CTDSPL: variants seen among roughly 807,000 people sequenced by gnomAD.
The protein encoded by CTDSPL is CTD small phosphatase like.
In CTDSPL, 8 loss-of-function variants were observed where a neutral mutation model predicts 30.5. The ratio of observed to expected loss-of-function variants is 0.26; its 90% CI spans 0.15 to 0.47. The LOEUF (loss-of-function observed/expected upper bound fraction) is 0.47. Ranked by LOEUF, CTDSPL falls within the 20% of genes least tolerant of loss-of-function variation. The probability of loss-of-function intolerance (pLI) is 0.99; values close to 1 mark genes in which losing one functional copy is unlikely to be tolerated. For missense variants in CTDSPL, 248 were observed against 366.1 expected (o/e 0.68, Z 2.63); for synonymous variants, 110 against 137.9 (o/e 0.80, Z 1.42).
chr3:37,962,441 C>T lies in CTDSPL; in HGVS notation c.268-2130C>T, dbSNP rs959932371. On this transcript the variant is annotated intron_variant, in intron 3 of 7. Transcript: ENST00000273179. ...CTTGCTTAATATGAGTCTCACCCTT[C>T]TCCATCTTTTCTCTCTTAGATCGTA... Among the ~76,000 whole-genome samples the T allele has an allele frequency of 5.2e-4, 79 of 152,220 alleles. 2 individuals carry two copies. Among genetic ancestry groups the T allele is most frequent in the Non-Finnish European group, 4.4e-5 (3 of 68,042 alleles).
chr3:37,945,809 T>C (rs1699029013), intron 1 of CTDSPL, among the ~76,000 whole-genome samples: 1 of 152,226 alleles, frequency 6.6e-6, no homozygotes, highest in Non-Finnish European at 1.5e-5. Flanking sequence ...GTGGAGTTGC[T>C]GGAATAACAG....
intron 1 of CTDSPL, among the ~76,000 whole-genome samples, chr3:37,924,177 A>G (rs1435299105): frequency 5.3e-5 from 8 of 152,260 alleles, no homozygotes; most frequent in South Asian, 2.1e-4. Context: ...TGATGATTCA[A>G]ACTAAGGCTG....
chr3:37,912,221 G>A (rs999146786), intron 1 of CTDSPL, among the ~76,000 whole-genome samples: 2 of 152,182 alleles, frequency 1.3e-5, no homozygotes, highest in African/African-American at 4.8e-5. Flanking sequence ...AGTAAGAGTG[G>A]CATGGCTTCC....
chr3:37,871,874 T>G (rs1004132847), intron 1 of CTDSPL, among the ~76,000 whole-genome samples: 3 of 152,210 alleles, frequency 2.0e-5, no homozygotes, highest in African/African-American at 7.2e-5. Context: ...TTGTTGGGTT[T>G]TTTTCCTTAT....
intron 1 of CTDSPL, among the ~76,000 whole-genome samples, chr3:37,945,190 C>T (rs1203011745): frequency 1.3e-5 from 2 of 150,120 alleles, no homozygotes; most frequent in Non-Finnish European, 3.0e-5. Flanking sequence ...ATTAAAACAC[C>T]CAGAGTAACA....
At chr3:37,898,478 A>G (rs1034151354) in intron 1 of CTDSPL, among the ~76,000 whole-genome samples, 2 of 152,212 alleles carry the variant, frequency 1.3e-5, no homozygotes, top group Non-Finnish European at 2.9e-5. Context: ...AATATTAGCA[A>G]TATCACATGG....
At chr3:37,947,869 T>C (rs1439470221) in intron 2 of CTDSPL, among the ~76,000 whole-genome samples, 1 of 152,232 alleles carries the variant, frequency 6.6e-6, no homozygotes, top group Non-Finnish European at 1.5e-5. Flanking sequence ...ATAACAAACA[T>C]GTTATATATT....
chr3:37,937,416 G>A lies in CTDSPL; in HGVS notation c.80-9641G>A, dbSNP rs1250745524. Among the ~76,000 whole-genome samples, 2 of 150,130 alleles carry A rather than the reference G, an allele frequency of 1.3e-5. 1 individual carries two copies. The stretch of plus-strand genomic sequence containing the variant: ...TGGGACTGGATTAGTTACCTTGAGA[G>A]TAGGTTGTTATAAAGAAAGGCTCCT... On this transcript the variant is annotated intron_variant, in intron 1 of 7. Transcript: ENST00000273179.
At chr3:37,957,956 T>G (rs772515365) in intron 3 of CTDSPL, among the ~76,000 whole-genome samples, 2 of 152,228 alleles carry the variant, frequency 1.3e-5, no homozygotes, top group Non-Finnish European at 1.5e-5. Flanking sequence ...TAGTCTTATG[T>G]CCTTAGAGAA....
intron 1 of CTDSPL, among the ~76,000 whole-genome samples, chr3:37,933,541 A>G (rs1374357841): frequency 1.3e-5 from 2 of 152,226 alleles, no homozygotes; most frequent in Admixed American, 6.5e-5. Flanking sequence ...AGTATGCTCC[A>G]TTCTCAGTAG....
Position 37,981,730 on chromosome 3 carries a change from G to T in CTDSPL, c.*863G>T. 1.2e-5 allele frequency: 5 copies of T among 417,198 alleles called. No individual in the cohort carries two copies. The highest frequency in any genetic ancestry group is 5.3e-5 in the Admixed American group (2 of 37,732). The allele number at this position is 417,198 out of a possible 1,614,324, so 25.8% of individuals were successfully genotyped here. The stretch of plus-strand genomic sequence containing the variant: ...CTGCCATACATTTGTGTTTTTTGTT[G>T]TTATTGTTTGGGTAGAGCAGTTACA... On this transcript the variant is annotated 3_prime_UTR_variant, in exon 8 of 8. Transcript: ENST00000273179.
chr3:37,901,702 G>C (rs114058837), intron 1 of CTDSPL, among the ~76,000 whole-genome samples: 131 of 152,248 alleles, frequency 8.6e-4, no homozygotes, highest in African/African-American at 2.4e-3. Context: ...TGCAGAGAAG[G>C]CTCTAGAGTT....
intron 2 of CTDSPL, among the ~76,000 whole-genome samples, chr3:37,947,629 AT>A (rs1222478070): frequency 6.6e-6 from 1 of 152,230 alleles, no homozygotes; most frequent in Non-Finnish European, 1.5e-5. Flanking sequence ...AAGATTTGAA[AT>A]TACCAAGAAA....
chr3:37,958,235 A>G (rs7651722), intron 3 of CTDSPL, among the ~76,000 whole-genome samples: 5,420 of 152,146 alleles, frequency 0.036, 129 homozygotes, highest in Non-Finnish European at 0.051. Flanking sequence ...CAAAACTCTA[A>G]CTCTTCATTG....
At chr3:37,909,425 A>G (rs1410232814) in intron 1 of CTDSPL, among the ~76,000 whole-genome samples, 1 of 152,212 alleles carries the variant, frequency 6.6e-6, no homozygotes, top group African/African-American at 2.4e-5. Context: ...TGGCTATTTC[A>G]GAGAAATGGG....
At chr3:37,956,383 A>G (rs1022558542) in intron 2 of CTDSPL, among the ~76,000 whole-genome samples, 1 of 152,226 alleles carries the variant, frequency 6.6e-6, no homozygotes, top group Non-Finnish European at 1.5e-5. Flanking sequence ...GAAGAAACAG[A>G]AACTGGAAAT....
chr3:37,903,636 C>G (rs757718155), intron 1 of CTDSPL, among the ~76,000 whole-genome samples: 29 of 152,270 alleles, frequency 1.9e-4, no homozygotes, highest in Non-Finnish European at 3.2e-4. Context: ...CAAACATGTC[C>G]AGGCAGACAG....
At chr3:37,911,758 C>A (rs1335662913) in intron 1 of CTDSPL, 4 of 456,080 alleles carry the variant, frequency 8.8e-6, no homozygotes, top group Non-Finnish European at 1.8e-5. Flanking sequence ...GTAACCCTCG[C>A]TAAAGAGAGA....
At chr3:37,913,179 G>T (rs1218587452) in intron 1 of CTDSPL, among the ~76,000 whole-genome samples, 1 of 152,144 alleles carries the variant, frequency 6.6e-6, no homozygotes, top group Non-Finnish European at 1.5e-5. Context: ...AATTAGCCAG[G>T]TGTGGTGGCA....
Sources: allele counts gnomAD v4.1 joint callset (sites outside exome capture counted in the v4.1 genomes callset), GRCh38; gene constraint gnomAD v4.1.1; transcripts MANE v1.5; gene names NCBI Gene and HGNC (gene_info 2026-07-23, HGNC 2026-07-21).